PLXDC2: variants seen among roughly 807,000 people sequenced by gnomAD.
PLXDC2 encodes the protein plexin domain containing 2.
A neutral mutation model predicts 68.9 loss-of-function variants in PLXDC2; 40 were observed. The observed-to-expected ratio is 0.58, with a 90% CI of 0.45 to 0.76. The LOEUF (loss-of-function observed/expected upper bound fraction) is 0.76, where lower values mean the gene tolerates loss of function less well. Among genes scored for constraint, PLXDC2 ranks in the 30% least tolerant of loss-of-function variants. The pLI, the probability that PLXDC2 is intolerant of heterozygous loss-of-function variation, is 0.00. For missense variants in PLXDC2, 644 were observed against 661.9 expected, an observed-to-expected ratio of 0.97 and a Z score of 0.30; for synonymous variants, 243 against 234.2, an observed-to-expected ratio of 1.04 and a Z score of -0.34.
At chr10:19,985,179 A>G (rs1834615339) in intron 1 of PLXDC2, among the ~76,000 whole-genome samples, 1 of 152,220 alleles carries the variant, frequency 6.6e-6, no homozygotes, top group Non-Finnish European at 1.5e-5. Context: ...TTCTGGTAAG[A>G]TATGGACCTC....
intron 4 of PLXDC2, among the ~76,000 whole-genome samples, chr10:20,109,739 G>A (rs2460593): frequency 0.94 from 143,688 of 152,280 alleles, 67,876 homozygotes; most frequent in African/African-American, 0.97. Context: ...CCATTGCAAT[G>A]AATCTTTAGA....
intron 2 of PLXDC2, among the ~76,000 whole-genome samples, chr10:20,046,366 T>C (rs16919723): frequency 0.085 from 12,921 of 152,112 alleles, 1,141 homozygotes; most frequent in African/African-American, 0.23. Context: ...GAAGGAAATA[T>C]ATATTGAAAT....
chr10:19,846,253 G>A (rs1421131380), intron 1 of PLXDC2, among the ~76,000 whole-genome samples: 3 of 152,126 alleles, frequency 2.0e-5, no homozygotes. Flanking sequence ...GTTTTTAGGG[G>A]AGGAGAAGGA....
At chr10:20,170,179 A>G (rs1457329446) in intron 7 of PLXDC2, among the ~76,000 whole-genome samples, 1 of 152,124 alleles carries the variant, frequency 6.6e-6, no homozygotes, top group East Asian at 1.9e-4. Flanking sequence ...TTATAAGATT[A>G]CAGACTAGGC....
At chr10:20,254,057 C>T (rs1216148957) in intron 13 of PLXDC2, among the ~76,000 whole-genome samples, 12 of 152,112 alleles carry the variant, frequency 7.9e-5, no homozygotes, top group Admixed American at 6.5e-4. Context: ...GGTTACAGAG[C>T]CAAGACATCA....
intron 12 of PLXDC2, among the ~76,000 whole-genome samples, chr10:20,231,025 C>T (rs369143795): frequency 4.0e-5 from 6 of 151,406 alleles, no homozygotes; most frequent in African/African-American, 1.4e-4. Context: ...CTTAAATGTT[C>T]TCACCACACA....
At chr10:19,853,858 T>C (rs1469775866) in intron 1 of PLXDC2, among the ~76,000 whole-genome samples, 1 of 152,232 alleles carries the variant, frequency 6.6e-6, no homozygotes, top group Non-Finnish European at 1.5e-5. Context: ...TTCTGGCTTC[T>C]CCCATCTTTT....
At chr10:20,079,012 G>A (rs1042563533) in intron 4 of PLXDC2, among the ~76,000 whole-genome samples, 1 of 151,676 alleles carries the variant, frequency 6.6e-6, no homozygotes, top group African/African-American at 2.4e-5. Flanking sequence ...CTGATACAAA[G>A]CCCAGAAACC....
rs1445219307 is a variant in PLXDC2, at chr10:20,068,637, A to G, written c.541+398A>G. Among the ~76,000 whole-genome samples, 4 of 148,176 alleles carry G rather than the reference A, an allele frequency of 2.7e-5. No individual in the cohort carries two copies. The East Asian group carries it at 5.9e-4, about 22-fold the overall frequency. On this transcript the variant is annotated intron_variant, in intron 4 of 13. Transcript: ENST00000377252. ...TATTATATATATATAATATATATTT[A>G]CATATATATGCACTTACACACATAT...
At chr10:20,219,595 G>A (rs1411130872) in intron 12 of PLXDC2, among the ~76,000 whole-genome samples, 1 of 152,036 alleles carries the variant, frequency 6.6e-6, no homozygotes, top group Non-Finnish European at 1.5e-5. Context: ...CATACTTAAA[G>A]GTTTTCCAAG....
At chr10:20,123,524 T>C (rs1221690406) in intron 4 of PLXDC2, among the ~76,000 whole-genome samples, 2 of 152,246 alleles carry the variant, frequency 1.3e-5, no homozygotes, top group East Asian at 3.9e-4. Flanking sequence ...TCAAGTGGCA[T>C]TGCAGAAGAA....
intron 13 of PLXDC2, among the ~76,000 whole-genome samples, chr10:20,267,768 A>AACAAG (rs764763060): frequency 3.6e-5 from 5 of 140,498 alleles, no homozygotes; most frequent in Non-Finnish European, 6.2e-5. Context: ...TACAAAACAA[A>AACAAG]ACAAAACAAA....
At chr10:19,933,405 G>A (rs1170108511) in intron 1 of PLXDC2, among the ~76,000 whole-genome samples, 3 of 152,240 alleles carry the variant, frequency 2.0e-5, no homozygotes, top group Admixed American at 2.0e-4. Context: ...GGAGGCTGAG[G>A]TGGGTGGATC....
At chr10:19,896,059 C>T (rs1302796775) in intron 1 of PLXDC2, among the ~76,000 whole-genome samples, 13 of 152,172 alleles carry the variant, frequency 8.5e-5, no homozygotes, top group Admixed American at 8.5e-4. Context: ...TCCTTCACTC[C>T]AGGCTTTCAG....
chr10:19,905,212 G>A (rs1191951571), intron 1 of PLXDC2, among the ~76,000 whole-genome samples: 1 of 152,130 alleles, frequency 6.6e-6, no homozygotes, highest in Non-Finnish European at 1.5e-5. Flanking sequence ...ATTTTAATTG[G>A]TGTATGAATG....
At chr10:20,175,562 A>G (rs10740967) in intron 7 of PLXDC2, among the ~76,000 whole-genome samples, 88,317 of 152,084 alleles carry the variant, frequency 0.58, 26,081 homozygotes, top group African/African-American at 0.66. Flanking sequence ...GGTGCATTGG[A>G]GTAGGCCTGT....
At chr10:19,903,884 C>G (rs1458051510) in intron 1 of PLXDC2, among the ~76,000 whole-genome samples, 1 of 152,030 alleles carries the variant, frequency 6.6e-6, no homozygotes, top group East Asian at 1.9e-4. Context: ...GGATGTGTCA[C>G]TATTATCGTT....
intron 1 of PLXDC2, among the ~76,000 whole-genome samples, chr10:19,985,608 T>G (rs1454709751): frequency 6.6e-6 from 1 of 152,224 alleles, no homozygotes; most frequent in East Asian, 1.9e-4. Context: ...GAGTCCACTC[T>G]TTATGCTAAC....
intron 10 of PLXDC2, among the ~76,000 whole-genome samples, chr10:20,215,690 A>G (rs78089476): frequency 0.18 from 27,291 of 152,048 alleles, 2,743 homozygotes; most frequent in Middle Eastern, 0.22. Context: ...AAATAGGTTG[A>G]AAGGATGGCT....
Sources: allele counts gnomAD v4.1 joint callset (sites outside exome capture counted in the v4.1 genomes callset), GRCh38; gene constraint gnomAD v4.1.1; transcripts MANE v1.5; gene names NCBI Gene and HGNC (gene_info 2026-07-23, HGNC 2026-07-21).